Variants in TBC1D5 observed in about 807,000 individuals in gnomAD.
TBC1D5 encodes the protein TBC1 domain family, member 5.
A neutral mutation model predicts 100.3 loss-of-function variants in TBC1D5; 75 were observed. The observed-to-expected ratio is 0.75, with a 90% confidence interval of 0.62 to 0.91. The LOEUF (loss-of-function observed/expected upper bound fraction) is 0.91, where lower values mean the gene tolerates loss of function less well. Ranked by LOEUF, TBC1D5 falls within the 40% of genes least tolerant of loss-of-function variation. TBC1D5 has a pLI of 0.00. For missense variants in TBC1D5, 910 were observed against 942.4 expected (o/e 0.97, Z 0.45); for synonymous variants, 323 against 325.6 (o/e 0.99, Z 0.09).
intron 13 of TBC1D5, among the ~76,000 whole-genome samples, chr3:17,326,929 C>A (rs1292595255): frequency 1.3e-5 from 2 of 152,200 alleles, no homozygotes; most frequent in African/African-American, 4.8e-5. Context: ...CCCTTTCTCT[C>A]ATACCCTACG....
chr3:17,710,949 G>A (rs1278220792), intron 1 of TBC1D5, among the ~76,000 whole-genome samples: 2 of 151,920 alleles, frequency 1.3e-5, no homozygotes, highest in Admixed American at 1.3e-4. Flanking sequence ...TGCCCACCTC[G>A]GCCTCCCAAA....
At chr3:17,287,146 T>C (rs930372401) in intron 15 of TBC1D5, among the ~76,000 whole-genome samples, 12 of 152,238 alleles carry the variant, frequency 7.9e-5, no homozygotes, top group Non-Finnish European at 1.6e-4. Flanking sequence ...CCACTGGCTG[T>C]GGCTTTTGTG....
intron 1 of TBC1D5, among the ~76,000 whole-genome samples, chr3:17,666,041 T>C (rs879941390): frequency 2.6e-5 from 4 of 152,204 alleles, no homozygotes; most frequent in Admixed American, 6.5e-5. Flanking sequence ...ACACATTCTA[T>C]TTCATCTTTC....
At chr3:17,492,836 CATTA>C (rs2095655907) in intron 3 of TBC1D5, among the ~76,000 whole-genome samples, 3 of 152,178 alleles carry the variant, frequency 2.0e-5, no homozygotes, top group Admixed American at 2.0e-4. Flanking sequence ...TTCTGAATTG[CATTA>C]TTTACTCAAG....
intron 9 of TBC1D5, among the ~76,000 whole-genome samples, chr3:17,379,493 A>C (rs1474100100): frequency 6.6e-6 from 1 of 152,024 alleles, no homozygotes; most frequent in Middle Eastern, 3.2e-3. Flanking sequence ...TTAATCATTC[A>C]CGTATTGCAA....
chr3:17,434,606 T>C (rs1177746599), intron 3 of TBC1D5, among the ~76,000 whole-genome samples: 3 of 152,202 alleles, frequency 2.0e-5, no homozygotes. Context: ...TCCTTTATAA[T>C]GTCCTGAGGT....
chr3:17,345,131 C>A (rs1029311316), intron 13 of TBC1D5, among the ~76,000 whole-genome samples: 7 of 152,008 alleles, frequency 4.6e-5, no homozygotes, highest in South Asian at 2.1e-4. Context: ...AGTGAACAGG[C>A]AACCTACAAA....
rs541031870 is a variant in TBC1D5 at position 17,591,063 on chromosome 3, C to T, written c.-36+32786G>A. ...CATCCTGGCTAACACGGTGAAACTC[C>T]GTCTCTACTAAAAATACAAAAAATT... On this transcript the variant is annotated intron_variant, in intron 2 of 21. Coordinates refer to ENST00000253692, the Ensembl canonical transcript of TBC1D5. Among the ~76,000 whole-genome samples, 254 of 151,482 alleles carry T rather than the reference C, an allele frequency of 1.7e-3. 3 individuals carry two copies. Among genetic ancestry groups the T allele is most frequent in the African/African-American group, 5.9e-3 (245 of 41,304 alleles).
intron 15 of TBC1D5, among the ~76,000 whole-genome samples, chr3:17,288,983 T>C (rs924974874): frequency 6.6e-6 from 1 of 152,152 alleles, no homozygotes; most frequent in Non-Finnish European, 1.5e-5. Flanking sequence ...GTCCACTGGG[T>C]TGCGGACAAC....
At chr3:17,353,360 T>C (rs142765229) in intron 13 of TBC1D5, among the ~76,000 whole-genome samples, 19 of 152,186 alleles carry the variant, frequency 1.2e-4, no homozygotes, top group African/African-American at 4.1e-4. Context: ...CATAAGTCCA[T>C]TGGTTTACTT....
chr3:17,449,492 T>C (rs987468958), intron 3 of TBC1D5, among the ~76,000 whole-genome samples: 1 of 152,192 alleles, frequency 6.6e-6, no homozygotes, highest in African/African-American at 2.4e-5. Flanking sequence ...TGGCTTGAAA[T>C]TCTCGCTGCC....
Position 17,255,933 on chromosome 3 carries a change from G to A in TBC1D5, c.1331+2573C>T, listed in dbSNP as rs190980797. ...CGCCTGTAGTCCCAGCTACTTGGGA[G>A]GCTGAGGCAGGAGAATGGCGGGAAC... On this transcript the variant is annotated intron_variant, in intron 16 of 21. Transcript: ENST00000253692. Among the ~76,000 whole-genome samples the A allele has an allele frequency of 5.0e-3, 756 of 152,268 alleles. 3 individuals carry two copies. The highest frequency in any genetic ancestry group is 0.024 in the Middle Eastern group (7 of 294).
intron 1 of TBC1D5, among the ~76,000 whole-genome samples, chr3:17,665,820 G>A (rs2067196862): frequency 6.6e-6 from 1 of 152,022 alleles, no homozygotes; most frequent in Non-Finnish European, 1.5e-5. Context: ...ATTTCCCCTA[G>A]CTCCAATTTT....
intron 13 of TBC1D5, among the ~76,000 whole-genome samples, chr3:17,367,612 A>G (rs2092230382): frequency 6.6e-6 from 1 of 152,156 alleles, no homozygotes; most frequent in African/African-American, 2.4e-5. Flanking sequence ...TAACCCCAGC[A>G]CTTTGGGAAG....
At position 17,206,527 on chromosome 3, in the gene TBC1D5, A is replaced by G. The variant is rs562391701; in HGVS notation, c.1752+7680T>C. ...ACTTTTTGGTATTTTGTCACGATAA[A>G]GAATAGATGAATATTACAAAAACAA... On this transcript the variant is annotated intron_variant, in intron 18 of 21. Coordinates refer to ENST00000253692, the Ensembl canonical transcript of TBC1D5. Among the ~76,000 whole-genome samples, 28 of 152,348 alleles carry G rather than the reference A, an allele frequency of 1.8e-4. No individual in the cohort carries two copies. The South Asian group carries it at 5.4e-3, about 29-fold the overall frequency.
intron 17 of TBC1D5, among the ~76,000 whole-genome samples, chr3:17,237,454 A>T (rs959148658): frequency 1.3e-5 from 2 of 152,198 alleles, no homozygotes. Flanking sequence ...TGAATACAAA[A>T]CATGAGGGAG....
intron 12 of TBC1D5, among the ~76,000 whole-genome samples, chr3:17,372,501 T>G (rs1374530960): frequency 6.6e-6 from 1 of 152,208 alleles, no homozygotes; most frequent in Non-Finnish European, 1.5e-5. Flanking sequence ...AAGTCACATC[T>G]ATTATGTTCC....
chr3:17,684,660 TTAAC>T (rs901953828), intron 1 of TBC1D5, among the ~76,000 whole-genome samples: 3 of 152,190 alleles, frequency 2.0e-5, no homozygotes, highest in Admixed American at 6.5e-5. Flanking sequence ...AAGAGAATTA[TTAAC>T]TAAGTCAAAG....
At chr3:17,517,000 C>G (rs2095998666) in intron 2 of TBC1D5, among the ~76,000 whole-genome samples, 1 of 152,198 alleles carries the variant, frequency 6.6e-6, no homozygotes. Flanking sequence ...TTCAGGTTAT[C>G]TGCCCAAATT....
Sources: allele counts gnomAD v4.1 joint callset (sites outside exome capture counted in the v4.1 genomes callset), GRCh38; gene constraint gnomAD v4.1.1; transcripts MANE v1.5; gene names NCBI Gene and HGNC (gene_info 2026-07-23, HGNC 2026-07-21).